Variants in MSN observed in about 807,000 individuals in gnomAD.
MSN encodes epididymis luminal protein 70.
Under a neutral mutation model 48.0 loss-of-function variants are expected in MSN, and 2 were observed. The ratio of observed to expected loss-of-function variants is 0.04; its 90% CI spans 0.02 to 0.13. The LOEUF is 0.13. Ranked by LOEUF, MSN falls within the 10% of genes least tolerant of loss-of-function variation. The pLI is 1.00. For synonymous variants in MSN, 146 were observed against 166.9 expected (o/e 0.87, Z 0.97); for missense variants, 267 against 470.1 (o/e 0.57, Z 3.99).
intron 1 of MSN, among the ~76,000 whole-genome samples, chrX:65,661,475 G>T (rs1012377941): frequency 1.1e-4 from 12 of 112,180 alleles, no homozygotes; most frequent in Non-Finnish European, 1.9e-4. Flanking sequence ...ATTGATCATG[G>T]CATGTTAACT....
intron 1 of MSN, among the ~76,000 whole-genome samples, chrX:65,634,463 A>G (rs1355588874): frequency 1.8e-5 from 2 of 110,164 alleles, no homozygotes; most frequent in Non-Finnish European, 3.8e-5. Flanking sequence ...AAATACAAAA[A>G]TTAGCTGGGC....
At chrX:65,729,241 A>G (rs2071598189) in intron 3 of MSN, among the ~76,000 whole-genome samples, 197 bp from the exon 4 acceptor site, 1 of 111,826 alleles carries the variant, frequency 8.9e-6, no homozygotes, top group Non-Finnish European at 1.9e-5. Flanking sequence ...AATTCCCAAC[A>G]GAAAGTGATT....
At chrX:65,706,298 A>G (rs1046918751) in intron 1 of MSN, among the ~76,000 whole-genome samples, 1 of 111,663 alleles carries the variant, frequency 9.0e-6, no homozygotes, top group Non-Finnish European at 1.9e-5. Context: ...CGACCTGATG[A>G]AGGCAGTGTG....
At chrX:65,724,271 A>G (rs2071545996) in intron 2 of MSN, among the ~76,000 whole-genome samples, 1 of 110,231 alleles carries the variant, frequency 9.1e-6, no homozygotes, top group African/African-American at 3.3e-5. Context: ...CAGTCTCCCA[A>G]GTAGCTGGGA....
At chrX:65,633,954 G>A (rs1005239335) in intron 1 of MSN, among the ~76,000 whole-genome samples, 2 of 111,143 alleles carry the variant, frequency 1.8e-5, no homozygotes, top group Non-Finnish European at 1.9e-5. Flanking sequence ...GAACTTACTC[G>A]GTCCAGTGTC....
intron 1 of MSN, among the ~76,000 whole-genome samples, chrX:65,599,409 C>A (rs1261771948): frequency 8.9e-6 from 1 of 112,533 alleles, no homozygotes; most frequent in African/African-American, 3.2e-5. Context: ...CTGAGGCGGG[C>A]AGATCATGAG....
upstream of MSN, among the ~76,000 whole-genome samples, chrX:65,663,325 A>G (rs1336614176): frequency 9.0e-6 from 1 of 110,640 alleles, no homozygotes; most frequent in African/African-American, 3.3e-5. Flanking sequence ...CAAGTGGCCA[A>G]CAAATATATG....
intron 1 of MSN, among the ~76,000 whole-genome samples, chrX:65,600,952 C>A (rs955444173): frequency 4.5e-5 from 5 of 111,871 alleles, no homozygotes; most frequent in African/African-American, 1.3e-4. Flanking sequence ...CAAGAGCCGT[C>A]AGCTCTACCA....
intron 2 of MSN, among the ~76,000 whole-genome samples, chrX:65,725,340 A>G (rs1401356667): frequency 9.0e-6 from 1 of 111,224 alleles, no homozygotes; most frequent in African/African-American, 3.3e-5. Flanking sequence ...TTCTCCCCCC[A>G]TGACCTAATA....
intron 1 of MSN, among the ~76,000 whole-genome samples, chrX:65,598,898 G>C (rs1374244563): frequency 1.8e-5 from 2 of 111,986 alleles, no homozygotes; most frequent in South Asian, 7.3e-4. Flanking sequence ...GGGTAAGTTT[G>C]GTTCTATTAC....
intron 1 of MSN, among the ~76,000 whole-genome samples, chrX:65,592,822 C>G (rs2148348121): frequency 9.0e-6 from 1 of 110,733 alleles, no homozygotes; most frequent in South Asian, 3.9e-4. Flanking sequence ...GGGCGGATCA[C>G]TTGAGCTCAG....
intron 1 of MSN, among the ~76,000 whole-genome samples, chrX:65,674,658 G>A (rs887991375): frequency 2.7e-5 from 3 of 111,801 alleles, no homozygotes; most frequent in Non-Finnish European, 5.6e-5. Flanking sequence ...GAACAGTATG[G>A]CACTTTTTCA....
chrX:65,644,480 C>T (rs371631663), intron 1 of MSN, among the ~76,000 whole-genome samples: 3 of 111,625 alleles, frequency 2.7e-5, no homozygotes, highest in Admixed American at 9.6e-5. Context: ...CTCAGAACTG[C>T]GTATCACTGA....
intron 1 of MSN, among the ~76,000 whole-genome samples, chrX:65,623,594 C>G: frequency 9.1e-6 from 1 of 109,369 alleles, no homozygotes; most frequent in South Asian, 3.8e-4. Flanking sequence ...GCGGATCACC[C>G]GAGGTCAGGA....
chrX:65,680,683 G>A (rs1407018042), intron 1 of MSN, among the ~76,000 whole-genome samples: 2 of 111,614 alleles, frequency 1.8e-5, no homozygotes, highest in African/African-American at 6.5e-5. Context: ...GGTTTCCCAA[G>A]TCCAAGTAAG....
chrX:65,730,463 C>G (rs1317046816), intron 4 of MSN, among the ~76,000 whole-genome samples: 1 of 111,352 alleles, frequency 9.0e-6, no homozygotes, highest in African/African-American at 3.3e-5. Flanking sequence ...GCCTCAGTCC[C>G]ATTGGAGTTA....
rs1463700944 is a variant in MSN at position 65,740,808 on chromosome X, G to A, written c.*915G>A. 3.5e-5 allele frequency: 6 copies of A among 171,685 alleles called. No individual in the cohort carries two copies. Among genetic ancestry groups the A allele is most frequent in the Non-Finnish European group, 6.7e-5 (6 of 89,983 alleles). 14.1% of individuals were successfully genotyped at this position (171,685 alleles called of 1,213,427 possible). On this transcript the variant is annotated 3_prime_UTR_variant, in exon 13 of 13. Transcript: ENST00000360270. ...GGATGAGTACCCAAAAGCTCAGCCA[G>A]CCCCATCAGGACTCTTGTGAAAAGA...
At chrX:65,694,520 G>T (rs1045292101) in intron 1 of MSN, among the ~76,000 whole-genome samples, 4 of 110,134 alleles carry the variant, frequency 3.6e-5, no homozygotes, top group African/African-American at 1.3e-4. Context: ...TAGAGATGGG[G>T]TTTCACCATG....
intron 1 of MSN, among the ~76,000 whole-genome samples, chrX:65,630,851 T>G (rs2070551183): frequency 1.8e-5 from 2 of 111,810 alleles, no homozygotes; most frequent in Admixed American, 1.9e-4. Context: ...TTTTAAAAAT[T>G]TTTTGAAATT....
Sources: gnomAD v4.1 joint callset for allele counts (sites outside exome capture counted in the v4.1 genomes callset) on GRCh38, gnomAD v4.1.1 for gene constraint, MANE v1.5 for transcripts, NCBI Gene and HGNC (gene_info 2026-07-23, HGNC 2026-07-21) for gene names.